DLG2: variants seen among roughly 807,000 people sequenced by gnomAD.
DLG2 encodes disks large homolog 2.
In DLG2, 45 loss-of-function variants were observed where a neutral mutation model predicts 132.5. That is an observed-to-expected ratio of 0.34 (90% CI 0.27 to 0.44). DLG2 has a LOEUF of 0.44. Among genes scored for constraint, DLG2 ranks in the 20% least tolerant of loss-of-function variants. The probability of loss-of-function intolerance (pLI) is 1.00; values close to 1 mark genes in which losing one functional copy is unlikely to be tolerated. For missense variants in DLG2, 1,045 were observed against 1,196.9 expected (o/e 0.87, Z 1.87); for synonymous variants, 424 against 419.6 (o/e 1.01, Z -0.13).
chr11:85,296,814 G>A (rs562254041), intron 3 of DLG2, among the ~76,000 whole-genome samples: 17 of 150,668 alleles, frequency 1.1e-4, no homozygotes, highest in Admixed American at 6.6e-4. Flanking sequence ...ATTTTAGATT[G>A]TAGAAATTAT....
chr11:85,411,685 G>T (rs180747246), intron 3 of DLG2, among the ~76,000 whole-genome samples: 38 of 151,976 alleles, frequency 2.5e-4, no homozygotes, highest in African/African-American at 5.8e-4. Context: ...TCTGTAAAAT[G>T]ATAGATGATA....
At chr11:84,701,848 C>A (rs543962267) in intron 6 of DLG2, among the ~76,000 whole-genome samples, 11 of 151,504 alleles carry the variant, frequency 7.3e-5, no homozygotes, top group Middle Eastern at 6.8e-3. Flanking sequence ...CCAGATCACA[C>A]CTTATTTTTC....
chr11:85,357,735 T>TAC (rs1309129335), intron 3 of DLG2, among the ~76,000 whole-genome samples: 2 of 16,436 alleles, frequency 1.2e-4, no homozygotes. Context: ...TATATATATA[T>TAC]ATATATATAT....
intron 15 of DLG2, among the ~76,000 whole-genome samples, chr11:83,878,051 C>T (rs939972629): frequency 6.6e-6 from 1 of 152,196 alleles, no homozygotes; most frequent in African/African-American, 2.4e-5. Context: ...AGATGGAATT[C>T]TGAGAACTGT....
In DLG2 at chr11:83,697,094, C is replaced by T. The variant is rs187740979; in HGVS notation, c.1826-63769G>A. On this transcript the variant is annotated intron_variant, in intron 18 of 27. Coordinates refer to ENST00000376104, the MANE Select transcript of DLG2 (RefSeq NM_001142699.3). ...AGAATAACAAGACATGCTCTTTGCC[C>T]TCAAAGAAATGAGTCAGTGTTTGTA... 2.0e-5 allele frequency among the ~76,000 whole-genome samples: 3 copies of T among 152,214 alleles called. No individual in the cohort carries two copies. The East Asian group carries it at 5.8e-4, about 29-fold the overall frequency.
At chr11:85,496,066 C>A (rs545628481) in intron 3 of DLG2, among the ~76,000 whole-genome samples, 1 of 152,240 alleles carries the variant, frequency 6.6e-6, no homozygotes, top group Admixed American at 6.5e-5. Context: ...TGGGTGCAGC[C>A]CACAGAGGGC....
At chr11:85,548,929 G>A (rs554394809) in intron 3 of DLG2, among the ~76,000 whole-genome samples, 3 of 152,248 alleles carry the variant, frequency 2.0e-5, no homozygotes, top group African/African-American at 4.8e-5. Flanking sequence ...GCTGGGCTCC[G>A]TGGGGGTGGG....
At chr11:85,239,097 G>A (rs756084212) in intron 4 of DLG2, among the ~76,000 whole-genome samples, 1 of 151,976 alleles carries the variant, frequency 6.6e-6, no homozygotes, top group Admixed American at 6.6e-5. Context: ...TTGAGTGATC[G>A]CTTTTTGCTG....
At chr11:85,070,305 A>AAAAT (rs60646994) in intron 6 of DLG2, among the ~76,000 whole-genome samples, 3,722 of 145,884 alleles carry the variant, frequency 0.026, 71 homozygotes, top group African/African-American at 0.051. Context: ...AGTATAATAA[A>AAAAT]AAATAAATAA....
intron 6 of DLG2, among the ~76,000 whole-genome samples, chr11:85,094,887 A>G (rs942232837): frequency 2.6e-5 from 4 of 152,132 alleles, no homozygotes; most frequent in Non-Finnish European, 5.9e-5. Flanking sequence ...TGCCTTCCTC[A>G]CTAAGTTTAA....
At chr11:83,997,033 T>C (rs1457678957) in intron 11 of DLG2, among the ~76,000 whole-genome samples, 1 of 152,088 alleles carries the variant, frequency 6.6e-6, no homozygotes, top group Non-Finnish European at 1.5e-5. Flanking sequence ...CTCCATGATA[T>C]GCTTACTTCG....
At chr11:84,402,762 G>A (rs2098834300) in intron 7 of DLG2, among the ~76,000 whole-genome samples, 1 of 151,668 alleles carries the variant, frequency 6.6e-6, no homozygotes, top group Non-Finnish European at 1.5e-5. Flanking sequence ...GGCGCCTGTA[G>A]TCTCAGCTAC....
intron 10 of DLG2, among the ~76,000 whole-genome samples, chr11:84,075,363 G>A (rs2154148821): frequency 6.6e-6 from 1 of 152,176 alleles, no homozygotes; most frequent in Non-Finnish European, 1.5e-5. Flanking sequence ...TGTCTGTCTG[G>A]TTGACCATTT....
intron 14 of DLG2, among the ~76,000 whole-genome samples, chr11:83,959,684 G>C (rs557898864): frequency 5.3e-5 from 8 of 152,230 alleles, no homozygotes; most frequent in Admixed American, 1.3e-4. Flanking sequence ...GACTTGTTCA[G>C]AGTTATCTAG....
chr11:83,850,160 G>GTGTGTGTTT (rs1452960432), intron 16 of DLG2, among the ~76,000 whole-genome samples: 111 of 124,372 alleles, frequency 8.9e-4, no homozygotes, highest in African/African-American at 3.9e-3. Flanking sequence ...GTGTGTGTGT[G>GTGTGTGTTT]TTTTTTTACT....
chr11:83,714,805 C>G (rs967437174), intron 18 of DLG2, among the ~76,000 whole-genome samples: 1 of 152,120 alleles, frequency 6.6e-6, no homozygotes. Flanking sequence ...ACGTGTGCCA[C>G]GTTGGTGGGA....
At chr11:84,884,084 C>T (rs1470152812) in intron 6 of DLG2, among the ~76,000 whole-genome samples, 1 of 152,058 alleles carries the variant, frequency 6.6e-6, no homozygotes, top group East Asian at 1.9e-4. Flanking sequence ...TCACACATGA[C>T]ATATAAATTA....
intron 5 of DLG2, among the ~76,000 whole-genome samples, chr11:85,136,634 C>T (rs2075849559): frequency 6.6e-6 from 1 of 152,142 alleles, no homozygotes; most frequent in African/African-American, 2.4e-5. Context: ...TTAGTAAAAC[C>T]TATCATTGAA....
chr11:83,787,552 A>C (rs1165260091), intron 17 of DLG2, among the ~76,000 whole-genome samples: 1 of 150,964 alleles, frequency 6.6e-6, no homozygotes, highest in Admixed American at 6.6e-5. Flanking sequence ...CGATCTCCTG[A>C]CCTCGTGATC....
Sources: allele counts gnomAD v4.1 joint callset (sites outside exome capture counted in the v4.1 genomes callset), GRCh38; gene constraint gnomAD v4.1.1; transcripts MANE v1.5; gene names NCBI Gene and HGNC (gene_info 2026-07-23, HGNC 2026-07-21).